SNW1: variants seen among roughly 807,000 people sequenced by gnomAD.
The protein encoded by SNW1 is SNW domain-containing protein 1.
In SNW1, 9 loss-of-function variants were observed where a neutral mutation model predicts 75.6. The observed-to-expected ratio is 0.12, with a 90% CI of 0.07 to 0.21. SNW1 has a LOEUF of 0.21. Ranked by LOEUF, SNW1 falls within the 10% of genes least tolerant of loss-of-function variation. SNW1 has a pLI of 1.00. For synonymous variants in SNW1, 200 were observed against 219.1 expected (o/e 0.91, Z 0.77); for missense variants, 409 against 670.9 (o/e 0.61, Z 4.31).
At chr14:77,751,829 CA>C (rs2080810029) in intron 2 of SNW1, among the ~76,000 whole-genome samples, 1 of 123,716 alleles carries the variant, frequency 8.1e-6, no homozygotes, top group Non-Finnish European at 1.8e-5. Flanking sequence ...CACACACACA[CA>C]CACACACACA....
intron 10 of SNW1, 77 bp from the exon 11 acceptor site, chr14:77,723,354 T>C (rs11626900): frequency 0.2 from 217,884 of 1,107,612 alleles, 23,431 homozygotes; most frequent in Middle Eastern, 0.23. Context: ...TGTATATATA[T>C]AATTTTTTAA....
chr14:77,760,955 T>A (rs1807540592), intron 1 of SNW1, 159 bp downstream of exon 1: 15 of 1,534,020 alleles, frequency 9.8e-6, no homozygotes. Context: ...CGACTAGGCC[T>A]AGTCGTAGCG....
intron 1 of SNW1, chr14:77,760,891 G>C (rs2080884850): frequency 1.0e-6 from 1 of 966,342 alleles, no homozygotes; most frequent in East Asian, 2.5e-5. Flanking sequence ...CGCAGCTTTC[G>C]GCCTCGGTGA....
intron 2 of SNW1, among the ~76,000 whole-genome samples, chr14:77,754,568 G>A (rs1035147714): frequency 6.6e-6 from 1 of 152,184 alleles, no homozygotes; most frequent in Non-Finnish European, 1.5e-5. Flanking sequence ...CTGAAGGAAA[G>A]TTGTCTCTTC....
intron 3 of SNW1, among the ~76,000 whole-genome samples, chr14:77,750,933 G>A (rs773034481): frequency 6.6e-5 from 10 of 152,146 alleles, no homozygotes; most frequent in Admixed American, 3.3e-4. Flanking sequence ...AATGAGTCAA[G>A]ACTATAGGAA....
At chr14:77,760,845 C>A (rs983721725) in intron 1 of SNW1, 1 of 751,740 alleles carries the variant, frequency 1.3e-6, no homozygotes, top group Non-Finnish European at 2.3e-6. Flanking sequence ...AAGATGCTCA[C>A]GCGAAAAACC....
At chr14:77,752,204 A>G (rs978038118) in intron 2 of SNW1, among the ~76,000 whole-genome samples, 2 of 152,222 alleles carry the variant, frequency 1.3e-5, no homozygotes, top group African/African-American at 4.8e-5. Flanking sequence ...TCTTGGAATC[A>G]GATTTTATTA....
intron 3 of SNW1, among the ~76,000 whole-genome samples, chr14:77,742,706 T>C (rs1312292686): frequency 6.6e-6 from 1 of 151,874 alleles, no homozygotes; most frequent in African/African-American, 2.4e-5. Flanking sequence ...GTTGAAGGCA[T>C]TCTTTTGGGT....
At position 77,718,063 on chromosome 14, in the gene SNW1, TCA is replaced by T; in HGVS notation, c.*23_*24del. On this transcript the variant is annotated 3_prime_UTR_variant, in exon 14 of 14. Coordinates refer to ENST00000261531, the MANE Select transcript of SNW1 (RefSeq NM_012245.3). Reference sequence around the variant, plus strand: ...CATCATTAGGGTTATGGGTAAGAGTTCATTCACTTTGGAGAGACCTGTGCCTA... The same window carrying T: ...CATCATTAGGGTTATGGGTAAGAGTTTTCACTTTGGAGAGACCTGTGCCTA... 1 of 1,529,556 alleles carries T rather than the reference TCA, an allele frequency of 6.5e-7. No homozygotes were observed. Among genetic ancestry groups the T allele is most frequent in the Middle Eastern group, 1.8e-4 (1 of 5,664 alleles). 94.7% of individuals were successfully genotyped at this position (1,529,556 alleles called of 1,614,324 possible).
intron 2 of SNW1, among the ~76,000 whole-genome samples, chr14:77,751,848 CACA>C (rs2080811899): frequency 1.5e-5 from 2 of 130,532 alleles, no homozygotes; most frequent in African/African-American, 2.8e-5. Context: ...ACACACACCA[CACA>C]CACACACACA....
At chr14:77,754,761 T>C (rs778919830) in intron 2 of SNW1, among the ~76,000 whole-genome samples, 13 of 152,242 alleles carry the variant, frequency 8.5e-5, no homozygotes, top group Non-Finnish European at 1.6e-4. Context: ...TACAGTTCTC[T>C]AGTGACCACA....
intron 1 of SNW1, among the ~76,000 whole-genome samples, chr14:77,758,098 G>A (rs945913777): frequency 6.6e-5 from 10 of 152,198 alleles, no homozygotes; most frequent in African/African-American, 2.4e-4. Flanking sequence ...GGGAGGCCAA[G>A]GCAGGTGGAT....
intron 9 of SNW1, among the ~76,000 whole-genome samples, 195 bp downstream of exon 9, chr14:77,732,290 G>C (rs2080633572): frequency 6.6e-6 from 1 of 152,140 alleles, no homozygotes; most frequent in African/African-American, 2.4e-5. Flanking sequence ...CACCACTGTG[G>C]GGTGTATGTA....
At position 77,734,933 on chromosome 14, in the gene SNW1, G is replaced by A; in HGVS notation, c.774+14C>T. ...AGGTTATACTAATAGAGACTGATTT[G>A]ACAACTTAATTACCTTTGCATTTTT... On this transcript the variant is annotated intron_variant, in intron 8 of 13. Coordinates refer to ENST00000261531, the MANE Select transcript of SNW1 (RefSeq NM_012245.3). The A allele has an allele frequency of 6.3e-7, 1 of 1,582,022 alleles. No individual in the cohort carries two copies. The highest frequency in any genetic ancestry group is 8.7e-7 in the Non-Finnish European group (1 of 1,151,466).
chr14:77,735,871 G>A, intron 7 of SNW1, 66 bp downstream of exon 7: 1 of 1,194,296 alleles, frequency 8.4e-7, no homozygotes, highest in Non-Finnish European at 1.2e-6. Flanking sequence ...ATAGGCATAG[G>A]GAGGTTATCT....
chr14:77,718,797 C>T (rs1379776908), intron 12 of SNW1, among the ~76,000 whole-genome samples: 8 of 151,934 alleles, frequency 5.3e-5, no homozygotes, highest in Admixed American at 2.0e-4. Context: ...CTGCAGCCAC[C>T]GCCTCCCAGT....
rs573372317 is a variant in SNW1, at chr14:77,729,956, C to CT, written c.1033+1031dup. ...CTGGCCACTACTCTTCCCACCTGCCCTAACTATTCTGACACCTCATCTCCT... is the reference window on the plus strand; with the variant it reads ...CTGGCCACTACTCTTCCCACCTGCCCTTAACTATTCTGACACCTCATCTCCT... On this transcript the variant is annotated intron_variant, in intron 10 of 13. Transcript: ENST00000261531. 4.3e-4 allele frequency among the ~76,000 whole-genome samples: 65 copies of CT among 152,282 alleles called. No homozygotes were observed. The Middle Eastern group carries it at 0.02, about 48-fold the overall frequency.
intron 5 of SNW1, 68 bp downstream of exon 5, chr14:77,738,710 G>C: frequency 8.7e-7 from 1 of 1,149,852 alleles, no homozygotes; most frequent in South Asian, 1.3e-5. Flanking sequence ...GTTAGTGAAA[G>C]AATACCATGA....
chr14:77,729,300 C>T (rs1253148215), intron 10 of SNW1, among the ~76,000 whole-genome samples: 1 of 152,212 alleles, frequency 6.6e-6, no homozygotes, highest in Non-Finnish European at 1.5e-5. Context: ...TCCTTCCCAA[C>T]TGCTTAGGAT....
Sources: gnomAD v4.1 joint callset for allele counts (sites outside exome capture counted in the v4.1 genomes callset) on GRCh38, gnomAD v4.1.1 for gene constraint, MANE v1.5 for transcripts, NCBI Gene and HGNC (gene_info 2026-07-23, HGNC 2026-07-21) for gene names.